SIPA1L1: variants seen among roughly 807,000 people sequenced by gnomAD.
The protein encoded by SIPA1L1 is signal induced proliferation associated 1 like 1.
Under a neutral mutation model 162.7 loss-of-function variants are expected in SIPA1L1, and 26 were observed. That is an observed-to-expected ratio of 0.16 (90% CI 0.12 to 0.22). The LOEUF is 0.22. SIPA1L1 is among the 10% of genes least tolerant of loss of function. The probability of loss-of-function intolerance (pLI) is 1.00; values close to 1 mark genes in which losing one functional copy is unlikely to be tolerated. For synonymous variants in SIPA1L1, 829 were observed against 837.4 expected (o/e 0.99, Z 0.17); for missense variants, 1,874 against 2,241.0 (o/e 0.84, Z 3.31).
chr14:71,666,022 C>T (rs1434944836), intron 10 of SIPA1L1, among the ~76,000 whole-genome samples: 1 of 152,172 alleles, frequency 6.6e-6, no homozygotes, highest in Non-Finnish European at 1.5e-5. Context: ...GAGGGCTTCA[C>T]TGTGGAAACA....
chr14:71,341,873 A>G (rs554090200), intron 2 of SIPA1L1, among the ~76,000 whole-genome samples: 1 of 152,132 alleles, frequency 6.6e-6, no homozygotes. Context: ...TCTGTGGTGT[A>G]TATGTACCAT....
At chr14:71,343,432 A>G (rs1340711236) in intron 2 of SIPA1L1, among the ~76,000 whole-genome samples, 1 of 152,200 alleles carries the variant, frequency 6.6e-6, no homozygotes, top group Non-Finnish European at 1.5e-5. Context: ...AAGAATAGAG[A>G]AAAATATCTT....
At chr14:71,621,549 C>T (rs780437912) in intron 6 of SIPA1L1, among the ~76,000 whole-genome samples, 3 of 152,168 alleles carry the variant, frequency 2.0e-5, no homozygotes, top group Non-Finnish European at 4.4e-5. Flanking sequence ...AGAGGCCTTC[C>T]TTGACCGCTG....
intron 2 of SIPA1L1, among the ~76,000 whole-genome samples, chr14:71,447,363 A>G (rs968759849): frequency 4.6e-5 from 7 of 152,174 alleles, no homozygotes; most frequent in African/African-American, 1.2e-4. Flanking sequence ...TGGGACCCCT[A>G]ACAAGCCTAT....
intron 2 of SIPA1L1, among the ~76,000 whole-genome samples, chr14:71,371,397 A>T (rs925869663): frequency 1.3e-4 from 20 of 151,936 alleles, no homozygotes; most frequent in African/African-American, 4.6e-4. Flanking sequence ...TTTTATTTTT[A>T]TTTTTTTAGA....
intron 4 of SIPA1L1, among the ~76,000 whole-genome samples, chr14:71,533,825 T>A (rs1347605233): frequency 6.6e-6 from 1 of 152,202 alleles, no homozygotes; most frequent in African/African-American, 2.4e-5. Context: ...TGGTAAAATA[T>A]TTCATCAGTC....
chr14:71,552,629 C>G (rs2055963448), intron 4 of SIPA1L1, among the ~76,000 whole-genome samples: 1 of 152,114 alleles, frequency 6.6e-6, no homozygotes, highest in Non-Finnish European at 1.5e-5. Flanking sequence ...ATCTCCTGAC[C>G]TTGTGATCCG....
intron 7 of SIPA1L1, among the ~76,000 whole-genome samples, chr14:71,624,572 A>C (rs2039779313): frequency 6.6e-6 from 1 of 152,216 alleles, no homozygotes; most frequent in Non-Finnish European, 1.5e-5. Flanking sequence ...CAATACAGTA[A>C]TAACAGTAAT....
intron 2 of SIPA1L1, among the ~76,000 whole-genome samples, chr14:71,414,540 T>C (rs1349096194): frequency 5.3e-5 from 8 of 152,266 alleles, no homozygotes; most frequent in African/African-American, 1.7e-4. Flanking sequence ...GTCATTGATT[T>C]CTGAATTCAT....
At chr14:71,367,709 C>T (rs571090578) in intron 2 of SIPA1L1, among the ~76,000 whole-genome samples, 13 of 149,940 alleles carry the variant, frequency 8.7e-5, no homozygotes, top group South Asian at 2.1e-4. Flanking sequence ...GGGGTTCAAG[C>T]GATTCTCCTG....
chr14:71,353,097 CAAT>C (rs2036880854), intron 2 of SIPA1L1, among the ~76,000 whole-genome samples: 1 of 152,130 alleles, frequency 6.6e-6, no homozygotes, highest in Non-Finnish European at 1.5e-5. Context: ...AATTATATGT[CAAT>C]AAATAAAATG....
At chr14:71,360,083 C>G (rs1443432046) in intron 2 of SIPA1L1, among the ~76,000 whole-genome samples, 1 of 152,064 alleles carries the variant, frequency 6.6e-6, no homozygotes, top group Admixed American at 6.5e-5. Flanking sequence ...GCTTCGGGGT[C>G]ATCTAGATGT....
Position 71,403,965 on chromosome 14 carries a change from G to GCA in SIPA1L1, c.-465+82797_-465+82798dup, listed in dbSNP as rs529777184. On this transcript the variant is annotated intron_variant, in intron 2 of 23. Coordinates refer to ENST00000381232, the MANE Select transcript of SIPA1L1 (RefSeq NM_001386936.1). ...GGATGAAGCTTACTTTCCCTTGACTGCACACACACACACATACCCACCCAC... is the reference window on the plus strand; with the variant it reads ...GGATGAAGCTTACTTTCCCTTGACTGCACACACACACACACATACCCACCCAC... Among the ~76,000 whole-genome samples the GCA allele has an allele frequency of 2.3e-3, 353 of 151,536 alleles. 1 individual carries two copies. The highest frequency in any genetic ancestry group is 7.7e-3 in the African/African-American group (319 of 41,334).
intron 2 of SIPA1L1, among the ~76,000 whole-genome samples, chr14:71,453,714 C>G (rs1214690900): frequency 6.6e-6 from 1 of 151,984 alleles, no homozygotes; most frequent in Non-Finnish European, 1.5e-5. Context: ...ATGGAGGAGG[C>G]CGGGTGCAGT....
At chr14:71,623,267 C>T (rs2039633771) in intron 6 of SIPA1L1, among the ~76,000 whole-genome samples, 1 of 152,144 alleles carries the variant, frequency 6.6e-6, no homozygotes, top group Admixed American at 6.5e-5. Context: ...GAAATGTATT[C>T]AGTTTGATGG....
intron 5 of SIPA1L1, among the ~76,000 whole-genome samples, chr14:71,590,627 A>G (rs1192916724): frequency 3.3e-5 from 5 of 152,160 alleles, no homozygotes; most frequent in African/African-American, 9.7e-5. Context: ...TCATTCCTAC[A>G]TATCTATAGC....
In SIPA1L1 at chr14:71,602,811, C is replaced by T. The variant is rs115687660; in HGVS notation, c.1498+13441C>T. ...CGTCGGCATTAAATTCTCATAGGAGCGCAAATGAACCCTACTGTGAACTGC... is the reference window on the plus strand; with the variant it reads ...CGTCGGCATTAAATTCTCATAGGAGTGCAAATGAACCCTACTGTGAACTGC... On this transcript the variant is annotated intron_variant, in intron 5 of 23. Coordinates refer to ENST00000381232, the MANE Select transcript of SIPA1L1 (RefSeq NM_001386936.1). Among the ~76,000 whole-genome samples the T allele has an allele frequency of 2.9e-3, 444 of 152,276 alleles. 1 individual carries two copies. Among genetic ancestry groups the T allele is most frequent in the African/African-American group, 1.0e-2 (415 of 41,540 alleles).
At position 71,590,044 on chromosome 14, in the gene SIPA1L1, A is replaced by ATT. The variant is rs1358959562; in HGVS notation, c.1498+674_1498+675insTT. Among the ~76,000 whole-genome samples, 7 of 59,584 alleles carry ATT rather than the reference A, an allele frequency of 1.2e-4. 1 individual carries two copies. The allele number at this position is 59,584 out of a possible 152,430, so 39.1% of individuals were successfully genotyped here. On this transcript the variant is annotated intron_variant, in intron 5 of 23. Coordinates refer to ENST00000381232, the MANE Select transcript of SIPA1L1 (RefSeq NM_001386936.1). ...AGTAAAAAAAAAAAAAAAAAAAAAAAATATATATATATATATATATATATA... is the reference window on the plus strand; with the variant it reads ...AGTAAAAAAAAAAAAAAAAAAAAAAATTATATATATATATATATATATATATA...
intron 2 of SIPA1L1, among the ~76,000 whole-genome samples, chr14:71,422,634 C>T (rs1039817339): frequency 6.6e-6 from 1 of 152,214 alleles, no homozygotes; most frequent in African/African-American, 2.4e-5. Context: ...GAAGATTCAT[C>T]TGTGTTGTAG....
Sources: gnomAD v4.1 joint callset for allele counts (sites outside exome capture counted in the v4.1 genomes callset) on GRCh38, gnomAD v4.1.1 for gene constraint, MANE v1.5 for transcripts, NCBI Gene and HGNC (gene_info 2026-07-23, HGNC 2026-07-21) for gene names.